Variants in LOXHD1 observed in about 807,000 individuals in gnomAD.
LOXHD1 encodes lipoxygenase homology PLAT domains 1, also known as lipoxygenase homology domain-containing protein 1.
LOXHD1 carries 205 observed loss-of-function variants against 248.2 expected under a neutral mutation model. The observed-to-expected ratio is 0.83, with a 90% CI of 0.74 to 0.93. The LOEUF is 0.93. LOXHD1 is among the 40% of genes least tolerant of loss of function. The probability of loss-of-function intolerance (pLI) is 0.00; values close to 1 mark genes in which losing one functional copy is unlikely to be tolerated. For missense variants in LOXHD1, 2,930 were observed against 2,971.6 expected, an observed-to-expected ratio of 0.99 and a Z score of 0.33; for synonymous variants, 1,113 against 1,162.8, an observed-to-expected ratio of 0.96 and a Z score of 0.87.
chr18:46,629,929 T>G (rs923688813), intron 4 of LOXHD1, among the ~76,000 whole-genome samples: 7 of 152,144 alleles, frequency 4.6e-5, no homozygotes, highest in African/African-American at 1.4e-4. Context: ...AGTTGTTGTT[T>G]CTTCTTATGG....
intron 6 of LOXHD1, among the ~76,000 whole-genome samples, chr18:46,607,422 G>A (rs2038434178): frequency 1.3e-5 from 2 of 149,184 alleles, no homozygotes; most frequent in East Asian, 2.0e-4. Flanking sequence ...TATATATGGT[G>A]TCATAATGAA....
In LOXHD1 at chr18:46,624,405, G is replaced by A. The variant is rs940304700; in HGVS notation, c.512-6115C>T. Among the ~76,000 whole-genome samples, 56 of 152,224 alleles carry A rather than the reference G, an allele frequency of 3.7e-4. 1 individual carries two copies. Among genetic ancestry groups the A allele is most frequent in the Non-Finnish European group, 5.9e-5 (4 of 68,036 alleles). On this transcript the variant is annotated intron_variant, in intron 4 of 40. Transcript: ENST00000642948. ...CCTCACTACTCAAGCCCACACAGAT[G>A]TGGGGAGGGGTTGGTCCGCAGAACC... is the stretch of plus-strand genomic sequence containing the variant.
chr18:46,622,366 T>G lies in LOXHD1; in HGVS notation c.512-4076A>C, dbSNP rs139517671. ...GTGAATTTCATATAATTTTTATGTGTCCCAAAATATTACTTTTTAAAAAAA... is the reference window on the plus strand; with the variant it reads ...GTGAATTTCATATAATTTTTATGTGGCCCAAAATATTACTTTTTAAAAAAA... On this transcript the variant is annotated intron_variant, in intron 4 of 40. Coordinates refer to ENST00000642948, the MANE Select transcript of LOXHD1 (RefSeq NM_001384474.1). Among the ~76,000 whole-genome samples, 330 of 152,320 alleles carry G rather than the reference T, an allele frequency of 2.2e-3. 1 individual carries two copies. Among genetic ancestry groups the G allele is most frequent in the African/African-American group, 7.6e-3 (315 of 41,568 alleles).
intron 34 of LOXHD1, among the ~76,000 whole-genome samples, chr18:46,515,017 T>G (rs1437718512): frequency 6.6e-6 from 1 of 152,218 alleles, no homozygotes; most frequent in African/African-American, 2.4e-5. Flanking sequence ...TCATGGGAGT[T>G]AATTTACCAG....
Position 46,618,182 on chromosome 18 carries a change from A to T in LOXHD1, c.610+10T>A. ...CTTGGCTTATGAAAAAAATAATTCA[A>T]ACCCATTACCTGTGTCTCCATACTC... On this transcript the variant is annotated intron_variant, in intron 5 of 40. Transcript: ENST00000642948. 1.9e-6 allele frequency: 3 copies of T among 1,544,238 alleles called. No individual in the cohort carries two copies. Among genetic ancestry groups the T allele is most frequent in the Non-Finnish European group, 2.6e-6 (3 of 1,141,096 alleles).
intron 40 of LOXHD1, 33 bp from the exon 41 acceptor site, chr18:46,477,985 G>C (rs1321538933): frequency 2.0e-6 from 3 of 1,530,316 alleles, no homozygotes; most frequent in Non-Finnish European, 2.6e-6. Flanking sequence ...GAGGGGTAGG[G>C]GCTAAGCAGA....
In LOXHD1 at chr18:46,588,708, T is replaced by C. The variant is rs776482756; in HGVS notation, c.1654+3225A>G. ...ACCTGCCAGTTCCACCTTCAAAATATTTCTTAAATTTATCTTCTCCTCTCT... is the reference window on the plus strand; with the variant it reads ...ACCTGCCAGTTCCACCTTCAAAATACTTCTTAAATTTATCTTCTCCTCTCT... On this transcript the variant is annotated intron_variant, in intron 12 of 40. Coordinates refer to ENST00000642948, the MANE Select transcript of LOXHD1 (RefSeq NM_001384474.1). 4.6e-5 allele frequency among the ~76,000 whole-genome samples: 7 copies of C among 152,188 alleles called. No homozygotes were observed. The South Asian group carries it at 6.2e-4, about 13-fold the overall frequency.
intron 12 of LOXHD1, among the ~76,000 whole-genome samples, chr18:46,590,808 C>T (rs1405958486): frequency 3.9e-5 from 6 of 152,160 alleles, no homozygotes; most frequent in South Asian, 4.1e-4. Flanking sequence ...ATGGCAAGAA[C>T]GTCCTCAGCT....
chr18:46,536,771 G>C (rs1321144095), intron 26 of LOXHD1, among the ~76,000 whole-genome samples: 1 of 152,200 alleles, frequency 6.6e-6, no homozygotes, highest in Non-Finnish European at 1.5e-5. Context: ...GACTGCTCCA[G>C]AGAAGGTGGG....
chr18:46,572,982 C>T (rs557226238), intron 14 of LOXHD1, among the ~76,000 whole-genome samples: 2 of 131,838 alleles, frequency 1.5e-5, no homozygotes, highest in East Asian at 4.9e-4. Flanking sequence ...GAGATTGCGC[C>T]ACTGCACTCC....
intron 39 of LOXHD1, among the ~76,000 whole-genome samples, chr18:46,484,159 G>A (rs915662305): frequency 1.3e-5 from 2 of 152,094 alleles, no homozygotes; most frequent in Non-Finnish European, 2.9e-5. Flanking sequence ...GGTTCAGGGA[G>A]GGAAAAGCTA....
At chr18:46,530,878 G>A (rs1263888025) in intron 28 of LOXHD1, among the ~76,000 whole-genome samples, 1 of 151,982 alleles carries the variant, frequency 6.6e-6, no homozygotes. Flanking sequence ...GGCCTCCCAG[G>A]TTCCACCCAT....
In LOXHD1 at chr18:46,577,765, C is replaced by T. The variant is rs876657854; in HGVS notation, c.1912G>A (p.Val638Met). ...GGCTGCCCCTCCTCTCTCACCAGCA[C>T]TCTGTCCAGGTACCAGCCGCTGCCG... Reference protein sequence around the residue: ...GSGSGWYLDRVLVREEGQPES... With the variant: ...GSGSGWYLDRMLVREEGQPES... Residue 638 changes from valine (V) to methionine (M), a missense_variant, in exon 14 of 41, where the codon GTG (valine) becomes ATG (methionine). Physicochemically the swap from Val to Met is conservative, Grantham distance 21. Coordinates refer to ENST00000642948, the MANE Select transcript of LOXHD1 (RefSeq NM_001384474.1). 1.7e-5 allele frequency: 27 copies of T among 1,551,590 alleles called. No individual in the cohort carries two copies. The highest frequency in any genetic ancestry group is 2.4e-5 in the Non-Finnish European group (27 of 1,147,006).
intron 3 of LOXHD1, 25 bp from the exon 4 acceptor site, chr18:46,639,825 C>A (rs1303226613): frequency 6.4e-7 from 1 of 1,551,492 alleles, no homozygotes; most frequent in East Asian, 2.4e-5. Context: ...AAGGCCCACA[C>A]CATCACTGGC....
intron 1 of LOXHD1, among the ~76,000 whole-genome samples, chr18:46,653,814 C>A (rs1261937461): frequency 1.3e-5 from 2 of 152,212 alleles, no homozygotes; most frequent in African/African-American, 4.8e-5. Context: ...GGAATAAATT[C>A]TTCCTTGAAG....
In LOXHD1 at chr18:46,545,415, G is replaced by C. The variant is rs768002122; in HGVS notation, c.3521C>G (p.Ser1174Cys). 3.2e-6 allele frequency: 5 copies of C among 1,550,210 alleles called. No individual in the cohort carries two copies. In the South Asian group the frequency reaches 4.8e-5, roughly 15 times the overall value. Reference sequence around the variant, plus strand: ...CTTTATGGTCACTGAGAATGTGGTAGATTTATCTGCCAAGAGAATAGTATA... The same window carrying C: ...CTTTATGGTCACTGAGAATGTGGTACATTTATCTGCCAAGAGAATAGTATA... The part of the protein sequence containing the change: ...DNLALEQKDK[S>C]TTFSVTIKTG... Residue 1174 changes from serine to cysteine, a missense_variant, in exon 23 of 41, where the codon TCT (serine) becomes TGT (cysteine). Physicochemically the swap from Ser to Cys is moderately radical, Grantham distance 112. Transcript: ENST00000642948.
At position 46,509,895 on chromosome 18, in the gene LOXHD1, T is replaced by C. The variant is rs971786407; in HGVS notation, c.5400-80A>G. The C allele has an allele frequency of 2.5e-5, 26 of 1,043,098 alleles. No homozygotes were observed. The African/African-American group carries it at 3.8e-4, about 15-fold the overall frequency. 64.6% of individuals were successfully genotyped at this position (1,043,098 alleles called of 1,614,324 possible). On this transcript the variant is annotated intron_variant, in intron 34 of 40. Transcript: ENST00000642948. ...GGGGTGGGCCAGGCCAGAGGCCAGG[T>C]TTGGGGTGAGGGAGAAGATTAGGCC...
Position 46,483,591 on chromosome 18 carries a change from T to G in LOXHD1, c.6337A>C (p.Asn2113His). Residue 2113 changes from asparagine to histidine, a missense_variant, in exon 40 of 41, where the codon AAT becomes CAT. Physicochemically the swap from Asn to His is moderately conservative, Grantham distance 68 (BLOSUM62 1). Transcript: ENST00000642948. Reference sequence around the variant, plus strand: ...GGGGAGAGGCTCAGTACATACACATTGCCGTACTCCATCTCGGTGATGGTG... The same window carrying G: ...GGGGAGAGGCTCAGTACATACACATGGCCGTACTCCATCTCGGTGATGGTG... The part of the protein sequence containing the change: ...TITITEMEYG[N>H]VYFFNCDCLI... The G allele has an allele frequency of 6.4e-7, 1 of 1,551,366 alleles. No homozygotes were observed. Among genetic ancestry groups the G allele is most frequent in the Non-Finnish European group, 8.7e-7 (1 of 1,146,926 alleles).
chr18:46,633,806 G>A (rs1214394800), intron 4 of LOXHD1, among the ~76,000 whole-genome samples: 2 of 152,204 alleles, frequency 1.3e-5, no homozygotes, highest in Non-Finnish European at 2.9e-5. Context: ...AAAAATGGAT[G>A]AAGGATTTGA....
Sources: gnomAD v4.1 joint callset for allele counts (sites outside exome capture counted in the v4.1 genomes callset) on GRCh38, gnomAD v4.1.1 for gene constraint, MANE v1.5 for transcripts, NCBI Gene and HGNC (gene_info 2026-07-23, HGNC 2026-07-21) for gene names.